RXFP1: variants seen among roughly 807,000 people sequenced by gnomAD.
RXFP1 encodes relaxin family peptide receptor 1.
Under a neutral mutation model 89.8 loss-of-function variants are expected in RXFP1, and 73 were observed. That is an observed-to-expected ratio of 0.81 (90% CI 0.67 to 0.99). The LOEUF (loss-of-function observed/expected upper bound fraction) is 0.99, where lower values mean the gene tolerates loss of function less well. Among genes scored for constraint, RXFP1 ranks in the 50% least tolerant of loss-of-function variants. The probability of loss-of-function intolerance (pLI) is 0.00; values close to 1 mark genes in which losing one functional copy is unlikely to be tolerated. For synonymous variants in RXFP1, 277 were observed against 305.5 expected (o/e 0.91, Z 0.97); for missense variants, 793 against 895.5 (o/e 0.89, Z 1.46).
chr4:158,548,833 T>C (rs954235015), intron 1 of RXFP1, among the ~76,000 whole-genome samples: 1 of 152,264 alleles, frequency 6.6e-6, no homozygotes, highest in Admixed American at 6.5e-5. Flanking sequence ...GTTAGTCTCA[T>C]GAGCTTCCCT....
intron 5 of RXFP1, among the ~76,000 whole-genome samples, chr4:158,606,613 T>G (rs1374997428): frequency 6.6e-6 from 1 of 152,158 alleles, no homozygotes; most frequent in Non-Finnish European, 1.5e-5. Flanking sequence ...AGACAGGGTC[T>G]CACTCTGTCA....
chr4:158,549,077 T>G (rs1579519749), intron 1 of RXFP1, among the ~76,000 whole-genome samples: 1 of 151,458 alleles, frequency 6.6e-6, no homozygotes, highest in South Asian at 2.1e-4. Context: ...CCCCATCACT[T>G]TCAGGTACAC....
At chr4:158,552,307 G>T (rs1750329461) in intron 1 of RXFP1, among the ~76,000 whole-genome samples, 3 of 152,200 alleles carry the variant, frequency 2.0e-5, no homozygotes, top group Non-Finnish European at 4.4e-5. Flanking sequence ...ATTTGAGACA[G>T]ATGCTAGAAA....
In RXFP1 at chr4:158,588,097, C is replaced by T. The variant is rs969763256; in HGVS notation, c.188-5304C>T. On this transcript the variant is annotated intron_variant, in intron 2 of 17. Coordinates refer to ENST00000307765, the MANE Select transcript of RXFP1 (RefSeq NM_021634.4). ...CAGCCAAGGAAATATATGGTGATTC[C>T]GGAGCCCAGTAGAACAGAACATTTT... Among the ~76,000 whole-genome samples the T allele has an allele frequency of 1.3e-4, 20 of 152,072 alleles. No homozygotes were observed. The East Asian group carries it at 1.3e-3, about 10-fold the overall frequency.
chr4:158,567,139 G>A (rs1156229585), intron 1 of RXFP1, among the ~76,000 whole-genome samples: 2 of 152,198 alleles, frequency 1.3e-5, no homozygotes, highest in East Asian at 3.9e-4. Context: ...TCCCCGCTTG[G>A]CAGGGCTCGG....
At chr4:158,545,130 G>C (rs1411451814) in intron 1 of RXFP1, among the ~76,000 whole-genome samples, 2 of 151,252 alleles carry the variant, frequency 1.3e-5, no homozygotes, top group African/African-American at 4.9e-5. Context: ...ACTTTTTAAT[G>C]ATTGCCATTC....
chr4:158,541,672 T>C (rs1329965981), intron 1 of RXFP1, among the ~76,000 whole-genome samples: 2 of 152,138 alleles, frequency 1.3e-5, no homozygotes, highest in East Asian at 3.9e-4. Flanking sequence ...CTTTATCTCC[T>C]TCACCAAACA....
At chr4:158,643,717 C>A (rs1443226790) in intron 14 of RXFP1, among the ~76,000 whole-genome samples, 2 of 151,990 alleles carry the variant, frequency 1.3e-5, no homozygotes, top group African/African-American at 4.8e-5. Flanking sequence ...GTGATCCACC[C>A]ACCTCGGCCT....
At chr4:158,543,864 AAATTTGCCCATC>A (rs1369814408) in intron 1 of RXFP1, 1 of 985,282 alleles carries the variant, frequency 1.0e-6, no homozygotes, top group African/African-American at 1.7e-5. Flanking sequence ...GTGGCATGCC[AAATTTGCCCATC>A]AATTTATTGG....
chr4:158,568,980 C>T (rs893455819), intron 1 of RXFP1, among the ~76,000 whole-genome samples: 1 of 152,156 alleles, frequency 6.6e-6, no homozygotes, highest in Non-Finnish European at 1.5e-5. Context: ...CAAAGATTTA[C>T]AAACTTGGTA....
At chr4:158,575,563 G>C (rs1378661545) in intron 2 of RXFP1, among the ~76,000 whole-genome samples, 1 of 152,126 alleles carries the variant, frequency 6.6e-6, no homozygotes, top group Non-Finnish European at 1.5e-5. Flanking sequence ...GGTCATAAGA[G>C]TGGATTAGCA....
rs563933182 is a variant in RXFP1 at position 158,637,071 on chromosome 4, G to C, written c.972-937G>C. 1.4e-4 allele frequency among the ~76,000 whole-genome samples: 21 copies of C among 152,196 alleles called. 1 individual carries two copies. The South Asian group carries it at 3.5e-3, about 26-fold the overall frequency. ...TCATTCATGTTGTTGCAAATGACAG[G>C]ATTTTCTGTGTTTTTTAAGGCTGAA... On this transcript the variant is annotated intron_variant, in intron 12 of 17. Coordinates refer to ENST00000307765, the MANE Select transcript of RXFP1 (RefSeq NM_021634.4).
At chr4:158,524,847 A>ACTTT (rs60840556) in intron 1 of RXFP1, among the ~76,000 whole-genome samples, 1 of 151,708 alleles carries the variant, frequency 6.6e-6, no homozygotes, top group African/African-American at 2.4e-5. Context: ...CAATTCTTTT[A>ACTTT]ATGTTTTAGA....
At chr4:158,531,096 A>C (rs995012900) in intron 1 of RXFP1, among the ~76,000 whole-genome samples, 2 of 152,098 alleles carry the variant, frequency 1.3e-5, no homozygotes, top group Admixed American at 6.5e-5. Flanking sequence ...GAGTGCAGTG[A>C]TGCAATCTTG....
intron 3 of RXFP1, among the ~76,000 whole-genome samples, chr4:158,598,641 C>T (rs1011731551): frequency 1.3e-5 from 2 of 152,122 alleles, no homozygotes; most frequent in African/African-American, 4.8e-5. Flanking sequence ...ACTATCGCTA[C>T]AGCTCCACAA....
intron 17 of RXFP1, among the ~76,000 whole-genome samples, chr4:158,650,953 C>T (rs981897847): frequency 6.6e-6 from 1 of 151,758 alleles, no homozygotes; most frequent in African/African-American, 2.4e-5. Context: ...CCCAACTCTT[C>T]AAAAAATAAA....
intron 2 of RXFP1, 182 bp downstream of exon 2, chr4:158,573,017 T>A: frequency 1.1e-6 from 1 of 893,744 alleles, no homozygotes; most frequent in Non-Finnish European, 1.5e-6. Flanking sequence ...TTCTTGTTTT[T>A]GTTTTTTTTT....
intron 4 of RXFP1, 95 bp downstream of exon 4, chr4:158,599,526 T>TA: frequency 4.0e-6 from 4 of 993,408 alleles, no homozygotes; most frequent in Non-Finnish European, 5.7e-6. Flanking sequence ...AATATATTTT[T>TA]ATTCAAAGAT....
intron 4 of RXFP1, 64 bp downstream of exon 4, chr4:158,599,495 T>A: frequency 1.6e-6 from 2 of 1,228,120 alleles, no homozygotes; most frequent in Non-Finnish European, 1.2e-6. Flanking sequence ...GTATTATAAT[T>A]AAGACCATGT....
Sources: gnomAD v4.1 joint callset for allele counts (sites outside exome capture counted in the v4.1 genomes callset) on GRCh38, gnomAD v4.1.1 for gene constraint, MANE v1.5 for transcripts, NCBI Gene and HGNC (gene_info 2026-07-23, HGNC 2026-07-21) for gene names.